Variants in USP4 observed in about 807,000 individuals in gnomAD.
USP4 encodes ubiquitin specific peptidase 4, also known as ubiquitin carboxyl-terminal hydrolase 4.
USP4 carries 72 observed loss-of-function variants against 118.2 expected under a neutral mutation model. The observed-to-expected ratio is 0.61, with a 90% confidence interval of 0.50 to 0.74. USP4 has a LOEUF of 0.74. Ranked by LOEUF, USP4 falls within the 30% of genes least tolerant of loss-of-function variation. The probability of loss-of-function intolerance (pLI) is 0.00; values close to 1 mark genes in which losing one functional copy is unlikely to be tolerated. For missense variants in USP4, 1,037 were observed against 1,185.7 expected (o/e 0.87, Z 1.84); for synonymous variants, 415 against 440.4 (o/e 0.94, Z 0.72).
chr3:49,313,253 G>A (rs1406948325), intron 6 of USP4, among the ~76,000 whole-genome samples: 1 of 152,198 alleles, frequency 6.6e-6, no homozygotes, highest in African/African-American at 2.4e-5. Flanking sequence ...AAGGCCAGGC[G>A]AGGTAGCTCA....
chr3:49,280,597 G>T, intron 20 of USP4, 147 bp downstream of exon 20: 2 of 505,468 alleles, frequency 4.0e-6, no homozygotes, highest in African/African-American at 2.0e-5. Flanking sequence ...AAAAAACAGA[G>T]AGGGGAATCA....
chr3:49,327,873 T>A, intron 2 of USP4, 57 bp from the exon 3 acceptor site: 1 of 1,499,758 alleles, frequency 6.7e-7, no homozygotes, highest in East Asian at 2.3e-5. Context: ...ATGATGGTTT[T>A]ACATGATTTC....
In USP4 at chr3:49,284,595, C is replaced by G; in HGVS notation, c.2272-11G>C. ...ATGCTTCTCGTAGGCCTATGGGAAT[C>G]AAAGCACTCAGTTCTGCTGGAGAAA... On this transcript the variant is annotated splice_polypyrimidine_tract_variant and intron_variant, in intron 17 of 21. Coordinates refer to ENST00000265560, the MANE Select transcript of USP4 (RefSeq NM_003363.4). 1 of 1,610,028 alleles carries G rather than the reference C, an allele frequency of 6.2e-7. No individual in the cohort carries two copies. Among genetic ancestry groups the G allele is most frequent in the Non-Finnish European group, 8.5e-7 (1 of 1,176,696 alleles).
intron 10 of USP4, among the ~76,000 whole-genome samples, chr3:49,302,103 C>G (rs1010008583): frequency 2.0e-5 from 3 of 151,224 alleles, no homozygotes; most frequent in Non-Finnish European, 4.4e-5. Flanking sequence ...GTAATCCCAG[C>G]ACTTTGGGAG....
intron 10 of USP4, 32 bp from the exon 11 acceptor site, chr3:49,300,723 A>G (rs759674535): frequency 1.3e-6 from 2 of 1,598,810 alleles, no homozygotes; most frequent in Non-Finnish European, 1.7e-6. Context: ...GACATTCTCA[A>G]CACCTCTCAG....
At chr3:49,324,190 G>T (rs148826084) in intron 6 of USP4, among the ~76,000 whole-genome samples, 29 of 152,164 alleles carry the variant, frequency 1.9e-4, no homozygotes, top group African/African-American at 6.3e-4. Flanking sequence ...GTAGAGACAG[G>T]GTTTTACCAT....
chr3:49,336,010 C>T (rs1358590034), intron 1 of USP4, among the ~76,000 whole-genome samples: 1 of 150,500 alleles, frequency 6.6e-6, no homozygotes, highest in Admixed American at 6.6e-5. Flanking sequence ...ATTACAGGCA[C>T]CTGTCACCAC....
At chr3:49,287,346 AG>A (rs1296138544) in intron 15 of USP4, among the ~76,000 whole-genome samples, 1 of 151,662 alleles carries the variant, frequency 6.6e-6, no homozygotes, top group Admixed American at 6.6e-5. Context: ...AGTAGAGACA[AG>A]GGTTCACCAT....
In USP4 at chr3:49,312,126, C is replaced by T. The variant is rs556115504; in HGVS notation, c.696-472G>A. 4 of 202,948 alleles carry T rather than the reference C, an allele frequency of 2.0e-5. No homozygotes were observed. In the South Asian group the frequency reaches 2.8e-4, roughly 14 times the overall value. 12.6% of individuals were successfully genotyped at this position (202,948 alleles called of 1,614,324 possible). A position where few individuals can be genotyped will look rare whatever the true frequency, so the allele number is the denominator to read the frequency against. ...ATCACCTGAGGTCAGGAGTTTGAGACCAGCCTGACCAACATGGAGAAACCC... is the reference window on the plus strand; with the variant it reads ...ATCACCTGAGGTCAGGAGTTTGAGATCAGCCTGACCAACATGGAGAAACCC... On this transcript the variant is annotated intron_variant, in intron 6 of 21. Coordinates refer to ENST00000265560, the MANE Select transcript of USP4 (RefSeq NM_003363.4).
At chr3:49,297,170 G>A (rs2047218441) in intron 13 of USP4, among the ~76,000 whole-genome samples, 1 of 152,222 alleles carries the variant, frequency 6.6e-6, no homozygotes, top group African/African-American at 2.4e-5. Flanking sequence ...GGGAGGGACA[G>A]TACGGCTGTG....
At chr3:49,321,480 T>TC (rs1217384498) in intron 6 of USP4, among the ~76,000 whole-genome samples, 1 of 146,412 alleles carries the variant, frequency 6.8e-6, no homozygotes. Flanking sequence ...TATTGTACCT[T>TC]TTTTTTTTTT....
intron 1 of USP4, among the ~76,000 whole-genome samples, chr3:49,338,677 A>G (rs1320218122): frequency 2.7e-5 from 4 of 149,234 alleles, no homozygotes; most frequent in Non-Finnish European, 5.9e-5. Flanking sequence ...AAAAAAAAAA[A>G]AAGAAAAGAA....
At chr3:49,337,560 C>T (rs2047681864) in intron 1 of USP4, among the ~76,000 whole-genome samples, 1 of 151,842 alleles carries the variant, frequency 6.6e-6, no homozygotes, top group Non-Finnish European at 1.5e-5. Flanking sequence ...CTCTGAGTAG[C>T]TGTGACTATA....
rs555067634 is a variant in USP4, at chr3:49,278,062, T to A, written c.*231A>T. 1.9e-6 allele frequency: 1 copy of A among 525,120 alleles called. No individual in the cohort carries two copies. The highest frequency in any genetic ancestry group is 3.3e-5 in the East Asian group (1 of 30,182). 32.5% of individuals were successfully genotyped at this position (525,120 alleles called of 1,614,324 possible). A position where few individuals can be genotyped will look rare whatever the true frequency, so the allele number is the denominator to read the frequency against. On this transcript the variant is annotated 3_prime_UTR_variant, in exon 22 of 22. Transcript: ENST00000265560. ...CACCCCCTTTTCAGCTTCACAGGTT[T>A]CACAGAAATTTCTCACCACCTGTTT...
chr3:49,322,441 A>G (rs1210292536), intron 6 of USP4, among the ~76,000 whole-genome samples: 1 of 152,194 alleles, frequency 6.6e-6, no homozygotes, highest in Non-Finnish European at 1.5e-5. Context: ...ATATATTTCT[A>G]TTGGTTATAT....
At chr3:49,295,301 A>AAAAAAAAAAAAAAAAT (rs1243316566) in intron 13 of USP4, among the ~76,000 whole-genome samples, 11 of 149,808 alleles carry the variant, frequency 7.3e-5, no homozygotes, top group Non-Finnish European at 1.6e-4. Context: ...AAAAAAAAAA[A>AAAAAAAAAAAAAAAAT]AAAAAAAAAA....
rs763577260 is a variant in USP4 at position 49,340,045 on chromosome 3, A to G, written c.-21T>C. On this transcript the variant is annotated 5_prime_UTR_variant, in exon 1 of 22. Coordinates refer to ENST00000265560, the MANE Select transcript of USP4 (RefSeq NM_003363.4). ...GCCATCTCCTCCGCGGCCCCGGCCC[A>G]GCCGGCCCGGACATCCGCCCCGCGC... 211 of 1,599,408 alleles carry G rather than the reference A, an allele frequency of 1.3e-4. No homozygotes were observed. Among genetic ancestry groups the G allele is most frequent in the Non-Finnish European group, 1.7e-4 (197 of 1,177,558 alleles).
rs915856647 is a variant in USP4 at position 49,299,234 on chromosome 3, C to T, written c.1513-599G>A. 4.6e-5 allele frequency among the ~76,000 whole-genome samples: 7 copies of T among 151,876 alleles called. No individual in the cohort carries two copies. The South Asian group carries it at 1.5e-3, about 32-fold the overall frequency. ...CCTCCTGAGTAGCTGGGATTACAGG[C>T]GCGCACCACCACGCCTGGATAATTT... On this transcript the variant is annotated intron_variant, in intron 11 of 21. Coordinates refer to ENST00000265560, the MANE Select transcript of USP4 (RefSeq NM_003363.4).
chr3:49,281,714 C>CAAAAA (rs35039639), intron 19 of USP4, among the ~76,000 whole-genome samples: 2 of 73,748 alleles, frequency 2.7e-5, no homozygotes, highest in Non-Finnish European at 5.6e-5. Context: ...AACTCCGTCT[C>CAAAAA]AAAAAAAAAA....
Sources: allele counts gnomAD v4.1 joint callset (sites outside exome capture counted in the v4.1 genomes callset), GRCh38; gene constraint gnomAD v4.1.1; transcripts MANE v1.5; gene names NCBI Gene and HGNC (gene_info 2026-07-23, HGNC 2026-07-21).